VAC14: variants seen among roughly 807,000 people sequenced by gnomAD.
VAC14 encodes protein VAC14 homolog.
A neutral mutation model predicts 85.3 loss-of-function variants in VAC14; 47 were observed. That is an observed-to-expected ratio of 0.55 (90% confidence interval 0.44 to 0.70). The LOEUF is 0.70. VAC14 is among the 30% of genes least tolerant of loss of function. VAC14 has a pLI of 0.00. For missense variants in VAC14, 861 were observed against 1,004.3 expected (o/e 0.86, Z 1.93); for synonymous variants, 447 against 430.5 (o/e 1.04, Z -0.47).
chr16:70,782,199 T>C (rs2033847662), intron 7 of VAC14, among the ~76,000 whole-genome samples, 196 bp from the exon 8 acceptor site: 1 of 152,184 alleles, frequency 6.6e-6, no homozygotes, highest in South Asian at 2.1e-4. Flanking sequence ...GGAGCAACAA[T>C]CCTGTGCTAG....
chr16:70,755,270 A>G, intron 12 of VAC14: 1 of 313,228 alleles, frequency 3.2e-6, no homozygotes, highest in Non-Finnish European at 6.4e-6. Context: ...AGCCAGGGAC[A>G]GCCCATGGGG....
intron 13 of VAC14, among the ~76,000 whole-genome samples, chr16:70,735,886 C>A (rs2054735147): frequency 6.6e-6 from 1 of 152,268 alleles, no homozygotes; most frequent in South Asian, 2.1e-4. Flanking sequence ...TTTGCAGAAT[C>A]AAGTGTCACA....
At chr16:70,733,581 C>T (rs1037688747) in intron 13 of VAC14, among the ~76,000 whole-genome samples, 2 of 152,070 alleles carry the variant, frequency 1.3e-5, no homozygotes, top group Non-Finnish European at 2.9e-5. Context: ...CTTAGTGTTA[C>T]TTTGAGACAG....
chr16:70,741,788 G>C (rs889249049), intron 13 of VAC14, among the ~76,000 whole-genome samples: 1 of 152,242 alleles, frequency 6.6e-6, no homozygotes, highest in African/African-American at 2.4e-5. Context: ...GGTGAGTTGG[G>C]GCAAGAGTCT....
At chr16:70,726,368 G>A (rs979534590) in intron 14 of VAC14, among the ~76,000 whole-genome samples, 3 of 152,204 alleles carry the variant, frequency 2.0e-5, no homozygotes, top group African/African-American at 7.2e-5. Flanking sequence ...CTCTCGGCAC[G>A]GAAGGTGCCA....
chr16:70,697,166 C>T lies in VAC14; in HGVS notation c.1928G>A (p.Arg643Gln), dbSNP rs756334900. ...VSLCFLTQNY[R>Q]HAYDLIQKFG... ...CTTCTGGATGAGGTCATAGGCGTGC[C>T]GGTAGTTCTGGGTGAGGAAGCAGAG... Residue 643 changes from arginine (R) to glutamine (Q), a missense_variant, in exon 16 of 19, where the codon CGG becomes CAG. Physicochemically the swap from Arg to Gln is conservative, Grantham distance 43 (BLOSUM62 1). Coordinates refer to ENST00000261776, the MANE Select transcript of VAC14 (RefSeq NM_018052.5). 16 of 1,613,784 alleles carry T rather than the reference C, an allele frequency of 9.9e-6. No homozygotes were observed. Among genetic ancestry groups the T allele is most frequent in the South Asian group, 5.5e-5 (5 of 91,064 alleles).
intron 12 of VAC14, chr16:70,755,023 G>C (rs892169136): frequency 1.1e-5 from 2 of 175,440 alleles, no homozygotes; most frequent in Non-Finnish European, 2.5e-5. Flanking sequence ...CCAGTACCCT[G>C]GGAAGAAAAC....
intron 12 of VAC14, among the ~76,000 whole-genome samples, chr16:70,750,648 T>G (rs1367701879): frequency 6.6e-6 from 1 of 151,946 alleles, no homozygotes; most frequent in Non-Finnish European, 1.5e-5. Flanking sequence ...AAGGGCATAT[T>G]TCAATGTGGG....
intron 14 of VAC14, among the ~76,000 whole-genome samples, chr16:70,720,679 A>G (rs1281568935): frequency 6.6e-6 from 1 of 152,216 alleles, no homozygotes; most frequent in African/African-American, 2.4e-5. Flanking sequence ...AGGTTTACTG[A>G]TGACGAGGTG....
At chr16:70,696,553 G>A (rs1205142487) in intron 16 of VAC14, among the ~76,000 whole-genome samples, 2 of 152,324 alleles carry the variant, frequency 1.3e-5, no homozygotes, top group South Asian at 2.1e-4. Flanking sequence ...TTTGATGAGC[G>A]CAGTGCTGAG....
At chr16:70,781,230 G>T (rs2143243304) in intron 8 of VAC14, among the ~76,000 whole-genome samples, 1 of 152,300 alleles carries the variant, frequency 6.6e-6, no homozygotes, top group African/African-American at 2.4e-5. Context: ...CCTCTGCCAT[G>T]ACTAAAAGCT....
intron 1 of VAC14, among the ~76,000 whole-genome samples, chr16:70,799,113 C>A (rs1057342965): frequency 6.6e-6 from 1 of 152,216 alleles, no homozygotes; most frequent in African/African-American, 2.4e-5. Flanking sequence ...ATACCTCTCT[C>A]TTCAAGGACT....
At chr16:70,785,107 T>A (rs1215673379) in intron 3 of VAC14, among the ~76,000 whole-genome samples, 1 of 152,238 alleles carries the variant, frequency 6.6e-6, no homozygotes, top group Non-Finnish European at 1.5e-5. Flanking sequence ...CTGTTGTGAC[T>A]GGGTCACGGG....
At chr16:70,709,872 G>C (rs1042383209) in intron 14 of VAC14, among the ~76,000 whole-genome samples, 5 of 152,192 alleles carry the variant, frequency 3.3e-5, no homozygotes, top group Admixed American at 6.5e-5. Context: ...GAAATGGCCA[G>C]GGAAATGGCA....
chr16:70,724,717 G>C (rs532677286), intron 14 of VAC14, among the ~76,000 whole-genome samples: 1 of 152,318 alleles, frequency 6.6e-6, no homozygotes, highest in African/African-American at 2.4e-5. Flanking sequence ...GCGGGGAACG[G>C]CTGTGGAAAG....
intron 13 of VAC14, among the ~76,000 whole-genome samples, chr16:70,736,542 G>A (rs1390535575): frequency 6.6e-6 from 1 of 152,200 alleles, no homozygotes; most frequent in South Asian, 2.1e-4. Flanking sequence ...GCTAAAGATG[G>A]CAGAAGAGAA....
intron 12 of VAC14, among the ~76,000 whole-genome samples, chr16:70,760,962 GGTGTGTGTGTGTGTGTGT>G (rs10671938): frequency 3.0e-3 from 144 of 47,628 alleles, no homozygotes; most frequent in Middle Eastern, 9.6e-3. Flanking sequence ...ACGAAGAGAG[GGTGTGTGTGTGTGTGTGT>G]GTGTGTGTGT....
intron 1 of VAC14, among the ~76,000 whole-genome samples, chr16:70,795,001 T>C (rs2034484057): frequency 6.6e-6 from 1 of 152,266 alleles, no homozygotes. Flanking sequence ...CATACCACTG[T>C]GTTACAACTG....
intron 12 of VAC14, among the ~76,000 whole-genome samples, chr16:70,754,455 G>A (rs1006516742): frequency 6.6e-5 from 10 of 152,204 alleles, no homozygotes; most frequent in East Asian, 1.9e-4. Context: ...GCTCAGGGCC[G>A]TGGCTGGAGT....
Sources: gnomAD v4.1 joint callset for allele counts (sites outside exome capture counted in the v4.1 genomes callset) on GRCh38, gnomAD v4.1.1 for gene constraint, MANE v1.5 for transcripts, NCBI Gene and HGNC (gene_info 2026-07-23, HGNC 2026-07-21) for gene names.